SV2C: variants seen among roughly 807,000 people sequenced by gnomAD.
SV2C encodes the protein synaptic vesicle glycoprotein 2C, also known as solute carrier family 22 member B3.
A neutral mutation model predicts 79.7 loss-of-function variants in SV2C; 49 were observed. That is an observed-to-expected ratio of 0.61 (90% CI 0.49 to 0.78). The LOEUF (loss-of-function observed/expected upper bound fraction) is 0.78, where lower values mean the gene tolerates loss of function less well. SV2C is among the 30% of genes least tolerant of loss of function. The pLI, the probability that SV2C is intolerant of heterozygous loss-of-function variation, is 0.00. For missense variants in SV2C, 833 were observed against 912.9 expected (o/e 0.91, Z 1.13); for synonymous variants, 334 against 333.2 (o/e 1.00, Z -0.03).
the SV2C span, among the ~76,000 whole-genome samples, chr5:75,939,012 T>A: frequency 2.6e-5 from 4 of 152,064 alleles, no homozygotes; most frequent in Non-Finnish European, 4.4e-5. Flanking sequence ...CAAGTTAATA[T>A]CATTTGTCAC....
In SV2C at chr5:76,183,061, A is replaced by C. The variant is rs200783602; in HGVS notation, c.581-11858A>C. Among the ~76,000 whole-genome samples, 13 of 129,966 alleles carry C rather than the reference A, an allele frequency of 1.0e-4. No individual in the cohort carries two copies. The East Asian group carries it at 2.9e-3, about 29-fold the overall frequency. 85.3% of individuals were successfully genotyped at this position (129,966 alleles called of 152,430 possible). ...TTTTTTTTTTTTTTTTTTGAGACAG[A>C]GTCTCACTCTTGTTGCCCAGGCTGG... On this transcript the variant is annotated intron_variant, in intron 2 of 12. Transcript: ENST00000502798.
chr5:76,290,231 C>G (rs1747512435), intron 6 of SV2C, among the ~76,000 whole-genome samples: 1 of 152,100 alleles, frequency 6.6e-6, no homozygotes, highest in Non-Finnish European at 1.5e-5. Flanking sequence ...TTTACCTGGC[C>G]AGAAAGAACC....
chr5:76,097,855 T>TTCTC (rs1386624060), intron 1 of SV2C, among the ~76,000 whole-genome samples: 1 of 152,162 alleles, frequency 6.6e-6, no homozygotes. Flanking sequence ...AGTCACATTA[T>TTCTC]TCTCTCTCTG....
the SV2C span, among the ~76,000 whole-genome samples, chr5:75,918,192 C>T: frequency 6.6e-6 from 1 of 152,122 alleles, no homozygotes; most frequent in African/African-American, 2.4e-5. Context: ...ACCAGTTATT[C>T]GCAGAGCTGG....
chr5:76,194,224 G>A (rs1352778553), intron 2 of SV2C, among the ~76,000 whole-genome samples: 1 of 152,198 alleles, frequency 6.6e-6, no homozygotes, highest in Non-Finnish European at 1.5e-5. Context: ...TTAGATCACA[G>A]CATCCACAGG....
chr5:76,014,275 A>G, the SV2C span, among the ~76,000 whole-genome samples: 21 of 151,960 alleles, frequency 1.4e-4, no homozygotes, highest in East Asian at 3.5e-3. Flanking sequence ...AAGGAAAGAA[A>G]GAAAGAAAGA....
intron 3 of SV2C, among the ~76,000 whole-genome samples, chr5:76,196,664 TATC>T (rs1157383341): frequency 1.6e-4 from 25 of 152,192 alleles, no homozygotes; most frequent in Non-Finnish European, 2.8e-4. Context: ...TCCCTTTTAT[TATC>T]TATAATAAAA....
the SV2C span, among the ~76,000 whole-genome samples, chr5:75,976,321 C>A: frequency 1.3e-5 from 2 of 152,102 alleles, no homozygotes; most frequent in African/African-American, 4.8e-5. Flanking sequence ...CAGGAATAGT[C>A]ATAAAATAAG....
chr5:75,942,763 A>C, the SV2C span, among the ~76,000 whole-genome samples: 1 of 152,198 alleles, frequency 6.6e-6, no homozygotes, highest in African/African-American at 2.4e-5. Flanking sequence ...GTAACTTCTT[A>C]ACATGAATTA....
the SV2C span, among the ~76,000 whole-genome samples, chr5:76,066,268 AT>A: frequency 6.6e-6 from 1 of 152,048 alleles, no homozygotes; most frequent in African/African-American, 2.4e-5. Context: ...CTATGCAGCC[AT>A]AAAAAAGGAT....
chr5:76,087,641 A>G (rs1455344435), intron 1 of SV2C, among the ~76,000 whole-genome samples: 1 of 152,208 alleles, frequency 6.6e-6, no homozygotes, highest in Non-Finnish European at 1.5e-5. Context: ...TGTGCTGTTT[A>G]TCAAGCTCTG....
chr5:76,320,054 GTA>G (rs1748776462), intron 12 of SV2C, among the ~76,000 whole-genome samples: 2 of 152,002 alleles, frequency 1.3e-5, no homozygotes, highest in African/African-American at 2.4e-5. Context: ...GCTCATACCT[GTA>G]ATCCCAGCAC....
intron 4 of SV2C, among the ~76,000 whole-genome samples, chr5:76,240,050 C>T (rs558032875): frequency 6.6e-6 from 1 of 152,160 alleles, no homozygotes; most frequent in African/African-American, 2.4e-5. Context: ...TTATTCTGCA[C>T]CATTCATCAA....
the SV2C span, among the ~76,000 whole-genome samples, chr5:76,033,580 G>T: frequency 6.6e-6 from 1 of 152,158 alleles, no homozygotes; most frequent in East Asian, 1.9e-4. Flanking sequence ...TTATTTCTGA[G>T]GGCTCTGTTC....
At chr5:76,141,973 G>A (rs1457832969) in intron 2 of SV2C, among the ~76,000 whole-genome samples, 1 of 151,966 alleles carries the variant, frequency 6.6e-6, no homozygotes, top group Non-Finnish European at 1.5e-5. Context: ...TCAGTATGCA[G>A]TTGCACCCTT....
At chr5:75,893,920 G>C in the SV2C span, among the ~76,000 whole-genome samples, 1 of 152,074 alleles carries the variant, frequency 6.6e-6, no homozygotes, top group South Asian at 2.1e-4. Flanking sequence ...ATCTGCGAAT[G>C]ACAGCCAGTC....
At chr5:75,907,479 G>C in the SV2C span, among the ~76,000 whole-genome samples, 439 of 152,236 alleles carry the variant, frequency 2.9e-3, 1 homozygote, top group African/African-American at 0.01. Context: ...GCGGTGGGAT[G>C]GGGGGAGGAT....
chr5:76,121,195 G>T (rs893068922), intron 1 of SV2C, among the ~76,000 whole-genome samples: 4 of 151,980 alleles, frequency 2.6e-5, no homozygotes, highest in Non-Finnish European at 5.9e-5. Context: ...CATATCCTTT[G>T]CCCACTTTTT....
intron 4 of SV2C, among the ~76,000 whole-genome samples, chr5:76,263,921 C>G (rs1198659879): frequency 6.6e-6 from 1 of 152,070 alleles, no homozygotes; most frequent in African/African-American, 2.4e-5. Context: ...GCTGGTTGCT[C>G]TTCTCAGGGA....
Sources: gnomAD v4.1 joint callset for allele counts (sites outside exome capture counted in the v4.1 genomes callset) on GRCh38, gnomAD v4.1.1 for gene constraint, MANE v1.5 for transcripts, NCBI Gene and HGNC (gene_info 2026-07-23, HGNC 2026-07-21) for gene names.